The following DPYD variants were observed in gnomAD, a reference collection of about 807,000 sequenced individuals.
The protein encoded by DPYD is dihydropyrimidine dehydrogenase [NADP(+)].
Under a neutral mutation model 116.2 loss-of-function variants are expected in DPYD, and 109 were observed. The observed-to-expected ratio is 0.94, with a 90% CI of 0.80 to 1.10. DPYD has a LOEUF of 1.10. Among genes scored for constraint, DPYD ranks in the 50% least tolerant of loss-of-function variants. The pLI, the probability that DPYD is intolerant of heterozygous loss-of-function variation, is 0.00. For synonymous variants in DPYD, 440 were observed against 432.0 expected, an observed-to-expected ratio of 1.02 and a Z score of -0.23; for missense variants, 1,302 against 1,254.5, an observed-to-expected ratio of 1.04 and a Z score of -0.57.
intron 19 of DPYD, among the ~76,000 whole-genome samples, chr1:97,201,749 A>G (rs562054635): frequency 6.6e-6 from 1 of 152,250 alleles, no homozygotes; most frequent in Non-Finnish European, 1.5e-5. Context: ...GCAGTAATGT[A>G]ACGGACTACG....
chr1:97,920,798 G>C, intron 1 of DPYD, 86 bp downstream of exon 1: 3 of 1,524,692 alleles, frequency 2.0e-6, no homozygotes. Context: ...CCGGGGTGCG[G>C]GGGCCGCGGG....
At chr1:97,588,991 A>G (rs1654330584) in intron 10 of DPYD, among the ~76,000 whole-genome samples, 1 of 152,196 alleles carries the variant, frequency 6.6e-6, no homozygotes, top group Non-Finnish European at 1.5e-5. Flanking sequence ...CAGCATCACA[A>G]GGAAACTTGT....
chr1:97,763,907 A>T (rs1223408532), intron 3 of DPYD, among the ~76,000 whole-genome samples: 2 of 152,088 alleles, frequency 1.3e-5, no homozygotes, highest in African/African-American at 4.8e-5. Context: ...GTGTGAAAAC[A>T]TCCTCAAGGA....
intron 14 of DPYD, among the ~76,000 whole-genome samples, chr1:97,447,653 A>G (rs1400491350): frequency 6.6e-6 from 1 of 152,146 alleles, no homozygotes; most frequent in African/African-American, 2.4e-5. Flanking sequence ...GGAAACTGAA[A>G]AGAATATTAA....
intron 8 of DPYD, among the ~76,000 whole-genome samples, chr1:97,602,124 C>T (rs1313388186): frequency 6.6e-6 from 1 of 151,844 alleles, no homozygotes; most frequent in African/African-American, 2.4e-5. Context: ...AAGTCCAGAA[C>T]CAAGTGGATT....
chr1:97,313,905 G>A lies in DPYD; in HGVS notation c.2059-7608C>T, dbSNP rs189346932. On this transcript the variant is annotated intron_variant, in intron 16 of 22. Transcript: ENST00000370192. ...ACTCTTTTATCCTAGCAAAGAGCCT[G>A]GTACATGAAAGACAATAAATACCAT... 3.9e-5 allele frequency among the ~76,000 whole-genome samples: 6 copies of A among 151,958 alleles called. No homozygotes were observed. The East Asian group carries it at 9.8e-4, about 25-fold the overall frequency.
At chr1:97,467,934 T>A (rs894342569) in intron 13 of DPYD, among the ~76,000 whole-genome samples, 1 of 152,168 alleles carries the variant, frequency 6.6e-6, no homozygotes, top group Admixed American at 6.5e-5. Context: ...TTTAGTTTGG[T>A]GCAACCTCAT....
intron 19 of DPYD, among the ~76,000 whole-genome samples, chr1:97,202,306 T>C (rs1016054701): frequency 6.6e-6 from 1 of 152,152 alleles, no homozygotes; most frequent in East Asian, 1.9e-4. Flanking sequence ...TCTCAGTACA[T>C]TACTTATCCT....
chr1:97,383,816 A>C (rs182612678), intron 14 of DPYD, among the ~76,000 whole-genome samples: 1 of 152,270 alleles, frequency 6.6e-6, no homozygotes, highest in South Asian at 2.1e-4. Context: ...TTTAAAGACT[A>C]TGAGATTGAG....
intron 11 of DPYD, among the ~76,000 whole-genome samples, chr1:97,551,529 T>C (rs1651320097): frequency 6.6e-6 from 1 of 152,130 alleles, no homozygotes; most frequent in African/African-American, 2.4e-5. Context: ...AACTTTGGCC[T>C]ACAACAGATC....
intron 8 of DPYD, among the ~76,000 whole-genome samples, chr1:97,656,899 T>C (rs1402660577): frequency 6.6e-6 from 1 of 151,922 alleles, no homozygotes; most frequent in Admixed American, 6.6e-5. Flanking sequence ...ATGGTCAATA[T>C]TCCAAGAATG....
chr1:97,626,994 G>A (rs1656970516), intron 8 of DPYD, among the ~76,000 whole-genome samples: 1 of 151,960 alleles, frequency 6.6e-6, no homozygotes, highest in African/African-American at 2.4e-5. Context: ...CATAGTTCTA[G>A]GAGCTGGAAA....
chr1:97,376,042 T>C (rs1001012559), intron 15 of DPYD, among the ~76,000 whole-genome samples: 2 of 152,258 alleles, frequency 1.3e-5, no homozygotes, highest in East Asian at 1.9e-4. Flanking sequence ...TACTTTACTA[T>C]GTCCTTTGTA....
intron 2 of DPYD, among the ~76,000 whole-genome samples, chr1:97,858,210 T>C (rs1235913895): frequency 6.6e-6 from 1 of 152,144 alleles, no homozygotes; most frequent in African/African-American, 2.4e-5. Flanking sequence ...GACTGGAATC[T>C]GTAAGATAAT....
intron 19 of DPYD, among the ~76,000 whole-genome samples, chr1:97,213,645 A>G (rs1274072710): frequency 6.6e-6 from 1 of 152,214 alleles, no homozygotes; most frequent in Non-Finnish European, 1.5e-5. Flanking sequence ...TGATTGAACC[A>G]GTGGTTTATT....
At chr1:97,400,381 G>A (rs1396781655) in intron 14 of DPYD, among the ~76,000 whole-genome samples, 1 of 152,136 alleles carries the variant, frequency 6.6e-6, no homozygotes, top group African/African-American at 2.4e-5. Flanking sequence ...TTGCATCGAT[G>A]TTCATCACGG....
At chr1:97,681,771 CA>C (rs918562408) in intron 7 of DPYD, among the ~76,000 whole-genome samples, 6 of 151,830 alleles carry the variant, frequency 4.0e-5, no homozygotes, top group Non-Finnish European at 8.8e-5. Context: ...CCCTTCATAC[CA>C]ATATATAATA....
At chr1:97,109,454 T>C (rs1651431278) in intron 20 of DPYD, among the ~76,000 whole-genome samples, 1 of 151,470 alleles carries the variant, frequency 6.6e-6, no homozygotes, top group Admixed American at 6.6e-5. Context: ...CAAAAACCAA[T>C]GAGGGAAAAT....
At chr1:97,685,838 A>T (rs1660697614) in intron 7 of DPYD, among the ~76,000 whole-genome samples, 1 of 152,232 alleles carries the variant, frequency 6.6e-6, no homozygotes, top group Non-Finnish European at 1.5e-5. Flanking sequence ...CAGAGAGGGC[A>T]CAAACAAAAG....
Sources: allele counts gnomAD v4.1 joint callset (sites outside exome capture counted in the v4.1 genomes callset), GRCh38; gene constraint gnomAD v4.1.1; transcripts MANE v1.5; gene names NCBI Gene and HGNC (gene_info 2026-07-23, HGNC 2026-07-21).